The following LRGUK variants were observed in gnomAD, a reference collection of about 807,000 sequenced individuals.
LRGUK encodes the protein leucine-rich repeat and guanylate kinase domain-containing protein.
Under a neutral mutation model 76.0 loss-of-function variants are expected in LRGUK, and 65 were observed. The ratio of observed to expected loss-of-function variants is 0.85; its 90% CI spans 0.70 to 1.05. The LOEUF is 1.05. Ranked by LOEUF, LRGUK falls within the 50% of genes least tolerant of loss-of-function variation. The pLI, the probability that LRGUK is intolerant of heterozygous loss-of-function variation, is 0.00. For synonymous variants in LRGUK, 268 were observed against 265.6 expected (o/e 1.01, Z -0.09); for missense variants, 758 against 732.8 (o/e 1.03, Z -0.40).
chr7:134,247,456 T>G, intron 16 of LRGUK, 100 bp from the exon 17 acceptor site: 1 of 755,652 alleles, frequency 1.3e-6, no homozygotes, highest in Non-Finnish European at 2.1e-6. Context: ...TCTTCCCACA[T>G]ATTTGTCAAT....
At chr7:134,223,030 T>C (rs1801642250) in intron 16 of LRGUK, among the ~76,000 whole-genome samples, 2 of 152,216 alleles carry the variant, frequency 1.3e-5, no homozygotes, top group South Asian at 4.1e-4. Context: ...ACAGATATAG[T>C]ATGCTATATA....
downstream of LRGUK, among the ~76,000 whole-genome samples, chr7:134,212,713 A>G (rs1433898747): frequency 1.3e-5 from 2 of 152,250 alleles, no homozygotes; most frequent in African/African-American, 2.4e-5. Context: ...ACAAGCATTT[A>G]TTGAGCACAC....
At chr7:134,166,137 A>G (rs1221606303) in intron 7 of LRGUK, among the ~76,000 whole-genome samples, 1 of 147,364 alleles carries the variant, frequency 6.8e-6, no homozygotes, top group Non-Finnish European at 1.5e-5. Flanking sequence ...TCGGTGGAAA[A>G]TTTATCATTT....
At chr7:134,246,595 G>A (rs1288104446) in intron 16 of LRGUK, among the ~76,000 whole-genome samples, 1 of 152,180 alleles carries the variant, frequency 6.6e-6, no homozygotes, top group Non-Finnish European at 1.5e-5. Flanking sequence ...ATGCTTGTTT[G>A]TTATTTCTTG....
intron 1 of LRGUK, among the ~76,000 whole-genome samples, chr7:134,136,618 T>C (rs1199715739): frequency 1.3e-5 from 2 of 152,164 alleles, no homozygotes; most frequent in African/African-American, 4.8e-5. Flanking sequence ...CTTTTGCCTG[T>C]AAAGTGGAGA....
chr7:134,195,014 G>T (rs190391032), intron 12 of LRGUK, among the ~76,000 whole-genome samples: 26 of 152,194 alleles, frequency 1.7e-4, no homozygotes, highest in African/African-American at 6.3e-4. Context: ...CTTAGTGGGT[G>T]GGGGGAAGCC....
At chr7:134,206,256 C>T (rs434744) in intron 15 of LRGUK, among the ~76,000 whole-genome samples, 28,100 of 152,138 alleles carry the variant, frequency 0.18, 2,609 homozygotes, top group African/African-American at 0.21. Context: ...GTGGCTTACG[C>T]CTGTAATCCC....
chr7:134,238,113 C>T (rs971001899), intron 16 of LRGUK, among the ~76,000 whole-genome samples: 2 of 152,172 alleles, frequency 1.3e-5, no homozygotes, highest in African/African-American at 4.8e-5. Context: ...TGAATACTCT[C>T]CTTTTGTCTT....
the LRGUK span, among the ~76,000 whole-genome samples, chr7:134,274,653 A>G: frequency 1.3e-5 from 2 of 152,140 alleles, no homozygotes; most frequent in African/African-American, 4.8e-5. Flanking sequence ...TGTTATGTTA[A>G]TCAGCTCATA....
chr7:134,190,127 A>G lies in LRGUK; in HGVS notation c.1335-1528A>G, dbSNP rs368325706. On this transcript the variant is annotated intron_variant, in intron 11 of 15. Transcript: ENST00000645682. The stretch of plus-strand genomic sequence containing the variant: ...ATTATTTGTAAAATAAAAATAAGAA[A>G]TAATACCTAGCTTATGGTTTTTGTA... Among the ~76,000 whole-genome samples, 10 of 152,358 alleles carry G rather than the reference A, an allele frequency of 6.6e-5. No individual in the cohort carries two copies. In the East Asian group the frequency reaches 1.5e-3, roughly 23 times the overall value.
At chr7:134,155,550 T>C (rs949118760) in intron 5 of LRGUK, among the ~76,000 whole-genome samples, 1 of 152,244 alleles carries the variant, frequency 6.6e-6, no homozygotes, top group Non-Finnish European at 1.5e-5. Context: ...TTTACCTCTT[T>C]CTCTGGCGTA....
At chr7:134,141,408 C>G (rs925001713) in intron 3 of LRGUK, among the ~76,000 whole-genome samples, 1 of 152,136 alleles carries the variant, frequency 6.6e-6, no homozygotes, top group African/African-American at 2.4e-5. Context: ...GCTGCTGGTC[C>G]GGGACCACAT....
At chr7:134,178,694 A>T in intron 10 of LRGUK, 85 bp downstream of exon 10, 1 of 991,394 alleles carries the variant, frequency 1.0e-6, no homozygotes, top group Non-Finnish European at 1.5e-6. Context: ...CTATTTTGTG[A>T]CCCCTTTATT....
At chr7:134,172,677 G>C (rs1482635392) in intron 7 of LRGUK, among the ~76,000 whole-genome samples, 1 of 152,152 alleles carries the variant, frequency 6.6e-6, no homozygotes, top group Non-Finnish European at 1.5e-5. Flanking sequence ...ATTAGTGTTA[G>C]GTCCAAAAAA....
intron 4 of LRGUK, among the ~76,000 whole-genome samples, chr7:134,144,382 A>G (rs943307703): frequency 1.3e-5 from 2 of 149,444 alleles, no homozygotes; most frequent in African/African-American, 5.0e-5. Flanking sequence ...CAAATGATCC[A>G]CCTGCCTCAG....
downstream of LRGUK, among the ~76,000 whole-genome samples, chr7:134,266,098 TCTG>T: frequency 6.6e-6 from 1 of 152,326 alleles, no homozygotes; most frequent in East Asian, 1.9e-4. Flanking sequence ...TCTCTCTCTA[TCTG>T]CCGGTCATGA....
the LRGUK span, among the ~76,000 whole-genome samples, chr7:134,271,310 G>A: frequency 2.5e-4 from 38 of 151,422 alleles, no homozygotes; most frequent in African/African-American, 9.2e-4. Context: ...TTTTTTATAT[G>A]GCCAACTTTG....
chr7:134,163,656 T>C, intron 7 of LRGUK, 116 bp downstream of exon 7: 2 of 886,010 alleles, frequency 2.3e-6, no homozygotes, highest in East Asian at 5.7e-5. Context: ...AAATGTCAGC[T>C]TAGAAATATT....
At chr7:134,144,318 T>C (rs1300906838) in intron 4 of LRGUK, among the ~76,000 whole-genome samples, 2 of 152,158 alleles carry the variant, frequency 1.3e-5, no homozygotes, top group Non-Finnish European at 2.9e-5. Flanking sequence ...TTGGTATTTT[T>C]TGTAGAGGCG....
Sources: allele counts gnomAD v4.1 joint callset (sites outside exome capture counted in the v4.1 genomes callset), GRCh38; gene constraint gnomAD v4.1.1; transcripts MANE v1.5; gene names NCBI Gene and HGNC (gene_info 2026-07-23, HGNC 2026-07-21).